Variants in WNK3 observed in about 807,000 individuals in gnomAD.
WNK3 encodes WNK lysine deficient protein kinase 3.
Under a neutral mutation model 116.7 loss-of-function variants are expected in WNK3, and 18 were observed. The ratio of observed to expected loss-of-function variants is 0.15; its 90% CI spans 0.11 to 0.23. The LOEUF is 0.23. Among genes scored for constraint, WNK3 ranks in the 10% least tolerant of loss-of-function variants. WNK3 has a pLI of 1.00. For missense variants in WNK3, 993 were observed against 1,323.8 expected (o/e 0.75, Z 3.88); for synonymous variants, 404 against 469.4 (o/e 0.86, Z 1.80).
intron 17 of WNK3, among the ~76,000 whole-genome samples, chrX:54,242,821 AG>A (rs34413970): frequency 8.9e-6 from 1 of 111,913 alleles, no homozygotes; most frequent in Non-Finnish European, 1.9e-5. Context: ...AAGCAATACA[AG>A]GAAAAGTGGA....
At chrX:54,346,095 G>GAT (rs1209120909) in intron 1 of WNK3, among the ~76,000 whole-genome samples, 23 of 74,113 alleles carry the variant, frequency 3.1e-4, no homozygotes, top group South Asian at 8.6e-4. Flanking sequence ...TTAACTCAAT[G>GAT]ATATATATAT....
chrX:54,237,539 G>A lies in WNK3; in HGVS notation c.4027C>T (p.Pro1343Ser). The change falls in exon 20 of 24, where the codon CCT (proline) becomes TCT (serine). Residue 1343 changes from proline (P) to serine (S), a missense_variant. Pro to Ser is a moderately conservative substitution (Grantham distance 74). Coordinates refer to ENST00000354646, the Ensembl canonical transcript of WNK3. ...GTCATTTTTGCTGACTGCTGCTGAG[G>A]AATTGTAATCACCTGAGATATAAAA... is the stretch of plus-strand genomic sequence containing the variant. 8.6e-7 allele frequency: 1 copy of A among 1,163,232 alleles called. No individual in the cohort carries two copies. The highest frequency in any genetic ancestry group is 1.1e-6 in the Non-Finnish European group (1 of 882,060).
intron 17 of WNK3, among the ~76,000 whole-genome samples, chrX:54,241,826 C>T (rs1478292110): frequency 9.1e-6 from 1 of 109,314 alleles, no homozygotes; most frequent in African/African-American, 3.3e-5. Flanking sequence ...TAGTGGTGAG[C>T]GCCTGTAATC....
At chrX:54,293,430 G>A (rs2068662579) in intron 8 of WNK3, 103 bp from the exon 9 acceptor site, 8 of 565,891 alleles carry the variant, frequency 1.4e-5, no homozygotes, top group African/African-American at 2.3e-5. Flanking sequence ...TTTTTACTCT[G>A]AGAACCTGAC....
At chrX:54,330,372 AAAACAAAC>A (rs782515737) in intron 2 of WNK3, among the ~76,000 whole-genome samples, 9 of 109,955 alleles carry the variant, frequency 8.2e-5, no homozygotes, top group Non-Finnish European at 1.3e-4. Flanking sequence ...GACTCCGTCT[AAAACAAAC>A]AAACAAACAA....
At chrX:54,215,681 C>T (rs1281091396) in intron 22 of WNK3, among the ~76,000 whole-genome samples, 33 of 110,432 alleles carry the variant, frequency 3.0e-4, no homozygotes, top group Non-Finnish European at 5.1e-4. Flanking sequence ...CGTCTCTGCC[C>T]GGCCGCCCAT....
intron 15 of WNK3, 116 bp from the exon 16 acceptor site, chrX:54,250,247 T>C: frequency 1.4e-6 from 1 of 702,767 alleles, no homozygotes; most frequent in South Asian, 3.6e-5. Context: ...TTTCTAATAG[T>C]ACTAGAATAT....
intron 22 of WNK3, among the ~76,000 whole-genome samples, chrX:54,210,457 C>CA (rs1293636843): frequency 9.1e-6 from 1 of 110,204 alleles, no homozygotes; most frequent in East Asian, 2.8e-4. Context: ...CCCATCTCTA[C>CA]AAAAAAAATT....
intron 6 of WNK3, 142 bp downstream of exon 6, chrX:54,301,629 T>C (rs2068759636): frequency 2.1e-6 from 1 of 472,359 alleles, no homozygotes; most frequent in Middle Eastern, 4.9e-4. Flanking sequence ...CAACATGCAC[T>C]GATACACTTC....
chrX:54,202,237 A>ATT, intron 22 of WNK3, 44 bp from the exon 23 acceptor site: 1 of 1,103,053 alleles, frequency 9.1e-7, no homozygotes, highest in East Asian at 3.2e-5. Context: ...ATGAAAAAGA[A>ATT]TTAAAACTGA....
At chrX:54,271,526 A>G (rs1557159348) in intron 10 of WNK3, among the ~76,000 whole-genome samples, 2 of 112,497 alleles carry the variant, frequency 1.8e-5, no homozygotes. Flanking sequence ...TATGTGGTAT[A>G]AAAACTGGTG....
intron 1 of WNK3, among the ~76,000 whole-genome samples, chrX:54,341,154 T>C (rs1465706179): frequency 9.0e-6 from 1 of 111,542 alleles, no homozygotes; most frequent in Non-Finnish European, 1.9e-5. Flanking sequence ...CCTAGCACTT[T>C]GGGAAGCCGA....
At chrX:54,259,469 G>A (rs1246797376) in intron 10 of WNK3, 131 bp from the exon 11 acceptor site, 2 of 333,799 alleles carry the variant, frequency 6.0e-6, no homozygotes, top group East Asian at 4.6e-5. Context: ...CTATGTTATT[G>A]AATGTCTGTA....
At chrX:54,276,093 A>T (rs782360840) in intron 10 of WNK3, among the ~76,000 whole-genome samples, 5 of 111,458 alleles carry the variant, frequency 4.5e-5, no homozygotes, top group Non-Finnish European at 9.4e-5. Context: ...TAATCCCAGC[A>T]CTTTGGGAGG....
chrX:54,282,846 A>G (rs2068532942), intron 10 of WNK3, among the ~76,000 whole-genome samples: 1 of 112,108 alleles, frequency 8.9e-6, no homozygotes, highest in African/African-American at 3.2e-5. Flanking sequence ...CAAATTTAAG[A>G]GCTAAAATTT....
chrX:54,279,912 T>C (rs1167123739), intron 10 of WNK3, among the ~76,000 whole-genome samples: 1 of 112,071 alleles, frequency 8.9e-6, no homozygotes, highest in Non-Finnish European at 1.9e-5. Context: ...AGACTGAAAA[T>C]TTTCTCACTA....
In WNK3 at chrX:54,319,455, ACC is replaced by A. The variant is rs1557171702; in HGVS notation, c.538-8166_538-8165del. ...TAGGATTATAGGCATGAGTCACCAT[ACC>A]TGGCCAGAATAATGAATAAATTTTG... is the stretch of plus-strand genomic sequence containing the variant. On this transcript the variant is annotated intron_variant, in intron 2 of 23. Transcript: ENST00000354646. Among the ~76,000 whole-genome samples, 43 of 111,696 alleles carry A rather than the reference ACC, an allele frequency of 3.8e-4. 1 individual carries two copies. Among genetic ancestry groups the A allele is most frequent in the Non-Finnish European group, 6.2e-4 (33 of 53,149 alleles).
chrX:54,298,741 G>A (rs1482818031), intron 6 of WNK3, among the ~76,000 whole-genome samples: 1 of 112,218 alleles, frequency 8.9e-6, no homozygotes, highest in Non-Finnish European at 1.9e-5. Flanking sequence ...AAGTAGCTTA[G>A]TACATGTTAG....
chrX:54,346,928 G>C (rs1188688861), intron 1 of WNK3, among the ~76,000 whole-genome samples: 1 of 111,661 alleles, frequency 9.0e-6, no homozygotes, highest in Non-Finnish European at 1.9e-5. Context: ...TTCTATTTAG[G>C]AAGGCAGAAA....
Sources: gnomAD v4.1 joint callset for allele counts (sites outside exome capture counted in the v4.1 genomes callset) on GRCh38, gnomAD v4.1.1 for gene constraint, MANE v1.5 for transcripts, NCBI Gene and HGNC (gene_info 2026-07-23, HGNC 2026-07-21) for gene names.